The following MARCHF11 variants were observed in gnomAD, a reference collection of about 807,000 sequenced individuals.
MARCHF11 encodes the protein E3 ubiquitin-protein ligase MARCHF11.
A neutral mutation model predicts 37.3 loss-of-function variants in MARCHF11; 29 were observed. The observed-to-expected ratio is 0.78, with a 90% CI of 0.58 to 1.06. MARCHF11 has a LOEUF of 1.06. MARCHF11 is among the 50% of genes least tolerant of loss of function. The probability of loss-of-function intolerance (pLI) is 0.00; values close to 1 mark genes in which losing one functional copy is unlikely to be tolerated. For synonymous variants in MARCHF11, 233 were observed against 228.0 expected, an observed-to-expected ratio of 1.02 and a Z score of -0.20; for missense variants, 482 against 533.4, an observed-to-expected ratio of 0.90 and a Z score of 0.95.
chr5:16,157,573 A>G (rs1737998166), intron 2 of MARCHF11, among the ~76,000 whole-genome samples: 1 of 152,002 alleles, frequency 6.6e-6, no homozygotes, highest in Non-Finnish European at 1.5e-5. Flanking sequence ...AGGTTCAAGA[A>G]CACACAATAG....
At chr5:16,121,003 T>C (rs949118609) in intron 2 of MARCHF11, among the ~76,000 whole-genome samples, 1 of 152,266 alleles carries the variant, frequency 6.6e-6, no homozygotes, top group African/African-American at 2.4e-5. Context: ...TGCTTTGTTA[T>C]GTGGAAAAGC....
At chr5:16,095,359 GAGGGCTAAATGTTT>G (rs2126559785) in intron 2 of MARCHF11, among the ~76,000 whole-genome samples, 1 of 152,208 alleles carries the variant, frequency 6.6e-6, no homozygotes, top group South Asian at 2.1e-4. Flanking sequence ...CTTCAGCGAG[GAGGGCTAAATGTTT>G]GGTTCAGCAC....
At chr5:16,104,904 G>T (rs1307070931) in intron 2 of MARCHF11, among the ~76,000 whole-genome samples, 1 of 146,192 alleles carries the variant, frequency 6.8e-6, no homozygotes, top group Non-Finnish European at 1.5e-5. Flanking sequence ...TTATGGTAAG[G>T]ACTAAAGGAA....
chr5:16,081,702 C>T (rs940557673), intron 3 of MARCHF11, among the ~76,000 whole-genome samples: 1 of 152,180 alleles, frequency 6.6e-6, no homozygotes, highest in African/African-American at 2.4e-5. Flanking sequence ...CACACTATCT[C>T]CTATGGAGGA....
chr5:16,179,682 G>A lies in MARCHF11; in HGVS notation c.-107C>T, dbSNP rs1017554007. The A allele has an allele frequency of 3.8e-6, 3 of 796,300 alleles. No individual in the cohort carries two copies. The highest frequency in any genetic ancestry group is 3.8e-5 in the African/African-American group (2 of 52,056). The allele number at this position is 796,300 out of a possible 1,614,324, so 49.3% of individuals were successfully genotyped here. Reference sequence around the variant, plus strand: ...GGAGGGAGAGGGGAAAAGGAGGGAGGGGGCCCGGACGCCTGGGGCTAGGGG... The same window carrying A: ...GGAGGGAGAGGGGAAAAGGAGGGAGAGGGCCCGGACGCCTGGGGCTAGGGG... On this transcript the variant is annotated 5_prime_UTR_variant, in exon 1 of 4. Coordinates refer to ENST00000332432, the MANE Select transcript of MARCHF11 (RefSeq NM_001102562.3).
chr5:16,110,943 T>G (rs1737127216), intron 2 of MARCHF11, among the ~76,000 whole-genome samples: 1 of 152,168 alleles, frequency 6.6e-6, no homozygotes, highest in South Asian at 2.1e-4. Context: ...CTTGTGGTAG[T>G]AAATAAGTCT....
chr5:16,071,762 T>C (rs980986670), intron 3 of MARCHF11, among the ~76,000 whole-genome samples: 1 of 152,158 alleles, frequency 6.6e-6, no homozygotes, highest in Non-Finnish European at 1.5e-5. Flanking sequence ...AAACCACTGG[T>C]CAAAAAATTC....
At chr5:16,173,250 A>T (rs1409803672) in intron 2 of MARCHF11, among the ~76,000 whole-genome samples, 2 of 152,188 alleles carry the variant, frequency 1.3e-5, no homozygotes, top group Non-Finnish European at 2.9e-5. Flanking sequence ...ACTCCCTTTG[A>T]CTGATGCTCA....
At chr5:16,107,562 C>T (rs1737064417) in intron 2 of MARCHF11, among the ~76,000 whole-genome samples, 1 of 152,032 alleles carries the variant, frequency 6.6e-6, no homozygotes, top group African/African-American at 2.4e-5. Flanking sequence ...AGACAGGAGA[C>T]AGGGAAATAC....
chr5:16,166,831 T>C (rs1441683127), intron 2 of MARCHF11, among the ~76,000 whole-genome samples: 1 of 152,006 alleles, frequency 6.6e-6, no homozygotes, highest in Non-Finnish European at 1.5e-5. Flanking sequence ...CATTTTAGCA[T>C]ACTCTTTTTA....
chr5:16,086,291 C>T (rs1370006686), intron 3 of MARCHF11, among the ~76,000 whole-genome samples: 2 of 152,124 alleles, frequency 1.3e-5, no homozygotes, highest in Non-Finnish European at 2.9e-5. Context: ...GGATGATAAA[C>T]ATCAAAATGC....
chr5:16,096,646 G>T (rs76597152), intron 2 of MARCHF11, among the ~76,000 whole-genome samples: 14 of 152,280 alleles, frequency 9.2e-5, no homozygotes, highest in Non-Finnish European at 1.5e-4. Flanking sequence ...ATTAATGGAG[G>T]TTTATTACTG....
intron 3 of MARCHF11, among the ~76,000 whole-genome samples, chr5:16,081,928 G>C (rs1736616061): frequency 6.6e-6 from 1 of 152,098 alleles, no homozygotes; most frequent in African/African-American, 2.4e-5. Context: ...TCCCTTCTAT[G>C]CTATTTCCCA....
At chr5:16,135,521 G>T (rs1737593602) in intron 2 of MARCHF11, among the ~76,000 whole-genome samples, 1 of 152,102 alleles carries the variant, frequency 6.6e-6, no homozygotes. Context: ...CAGTTTTGGG[G>T]TCTACAGTTT....
intron 2 of MARCHF11, among the ~76,000 whole-genome samples, chr5:16,116,487 T>C (rs984979473): frequency 6.6e-6 from 1 of 152,178 alleles, no homozygotes; most frequent in Non-Finnish European, 1.5e-5. Flanking sequence ...TTGCAGAGAA[T>C]TGTTATTACA....
chr5:16,153,605 TG>T (rs1737923289), intron 2 of MARCHF11, among the ~76,000 whole-genome samples: 1 of 152,016 alleles, frequency 6.6e-6, no homozygotes, highest in African/African-American at 2.4e-5. Flanking sequence ...GCAAGATATT[TG>T]TATTCAATAA....
chr5:16,092,438 A>G (rs1490579160), intron 2 of MARCHF11, among the ~76,000 whole-genome samples: 1 of 152,248 alleles, frequency 6.6e-6, no homozygotes, highest in Non-Finnish European at 1.5e-5. Flanking sequence ...ATTGCCATTC[A>G]TTTTAATGTA....
intron 2 of MARCHF11, among the ~76,000 whole-genome samples, chr5:16,145,305 G>A (rs1228873084): frequency 6.6e-6 from 1 of 152,128 alleles, no homozygotes; most frequent in Non-Finnish European, 1.5e-5. Flanking sequence ...AAGGCAGAGT[G>A]CTCATGAACT....
At chr5:16,132,000 C>T (rs1737524461) in intron 2 of MARCHF11, among the ~76,000 whole-genome samples, 1 of 152,190 alleles carries the variant, frequency 6.6e-6, no homozygotes, top group African/African-American at 2.4e-5. Context: ...GACTGCAATC[C>T]ATGAGTGCCG....
Sources: allele counts gnomAD v4.1 joint callset (sites outside exome capture counted in the v4.1 genomes callset), GRCh38; gene constraint gnomAD v4.1.1; transcripts MANE v1.5; gene names NCBI Gene and HGNC (gene_info 2026-07-23, HGNC 2026-07-21).